Variants in LIPA observed in about 807,000 individuals in gnomAD.
The protein encoded by LIPA is lipase A, lysosomal acid type, also known as lysosomal acid lipase/cholesteryl ester hydrolase.
Under a neutral mutation model 40.6 loss-of-function variants are expected in LIPA, and 26 were observed. The observed-to-expected ratio is 0.64, with a 90% CI of 0.47 to 0.89. The LOEUF is 0.89. Ranked by LOEUF, LIPA falls within the 40% of genes least tolerant of loss-of-function variation. The pLI is 0.00. For missense variants in LIPA, 455 were observed against 479.6 expected (o/e 0.95, Z 0.48); for synonymous variants, 188 against 168.4 (o/e 1.12, Z -0.90).
At chr10:89,385,183 A>G (rs7074302) in intron 2 of LIPA, 5,190 of 157,642 alleles carry the variant, frequency 0.033, 305 homozygotes, top group African/African-American at 0.12. Flanking sequence ...TTTGTGCTCA[A>G]ATAAACTCTA....
At chr10:89,331,624 C>A (rs989757173) in intron 1 of LIPA, among the ~76,000 whole-genome samples, 5 of 152,064 alleles carry the variant, frequency 3.3e-5, no homozygotes, top group Non-Finnish European at 7.4e-5. Context: ...CTTTGGGAGG[C>A]CGAGGAGGGC....
intron 2 of LIPA, among the ~76,000 whole-genome samples, chr10:89,371,390 C>T (rs1844090665): frequency 6.6e-6 from 1 of 152,180 alleles, no homozygotes; most frequent in Non-Finnish European, 1.5e-5. Context: ...CTTTATTTGC[C>T]TTAGGGCTGG....
At chr10:89,412,813 C>T (rs765093754) in exon 2 of LIPA, 11 of 408,462 alleles carry the variant, frequency 2.7e-5, no homozygotes, top group Non-Finnish European at 4.8e-5. Flanking sequence ...ACTCCAGACA[C>T]ATCTGAACAT....
intron 2 of LIPA, among the ~76,000 whole-genome samples, chr10:89,406,951 A>C (rs886516562): frequency 3.3e-5 from 5 of 152,278 alleles, no homozygotes; most frequent in Non-Finnish European, 1.5e-5. Context: ...CGGGGGCTAA[A>C]TACTGGGCAC....
intron 3 of LIPA, among the ~76,000 whole-genome samples, chr10:89,239,265 G>C (rs1360746798): frequency 2.0e-5 from 3 of 152,198 alleles, no homozygotes; most frequent in Non-Finnish European, 4.4e-5. Flanking sequence ...TGAGAAGAGG[G>C]CCAAGTGGGC....
rs763352406 is a variant in LIPA, at chr10:89,339,501, G to A, written c.-2+3110C>T. ...ATGGCTACCTCTATCACCAGATTGG[G>A]TGCTGCTACAAGGCAAAAGTAAGAC... On this transcript the variant is annotated intron_variant, in intron 1 of 5. Coordinates refer to the LIPA transcript ENST00000282673. The A allele has an allele frequency of 2.5e-6, 4 of 1,614,158 alleles. No homozygotes were observed. The South Asian group carries it at 3.3e-5, about 13-fold the overall frequency.
chr10:89,231,503 G>T (rs777633783), intron 3 of LIPA, among the ~76,000 whole-genome samples: 159 of 151,790 alleles, frequency 1.0e-3, no homozygotes, highest in African/African-American at 3.5e-3. Flanking sequence ...GAGAGAAAAG[G>T]TCTCATTCTA....
Position 89,225,090 on chromosome 10 carries a change from A to C in LIPA, c.675+2T>G, listed in dbSNP as rs1564753490. ...GGAGAGGGATGGGAGGGGTCCAAGT[A>C]CCTTAATGAGATGATCTGGTAATCG... is the stretch of plus-strand genomic sequence containing the variant. On this transcript the variant is annotated splice_donor_variant, in intron 6 of 9. Coordinates refer to ENST00000336233, the MANE Select transcript of LIPA (RefSeq NM_000235.4). LOFTEE classifies it high-confidence loss of function. 13 of 1,613,808 alleles carry C rather than the reference A, an allele frequency of 8.1e-6. No homozygotes were observed. The highest frequency in any genetic ancestry group is 1.1e-5 in the Non-Finnish European group (13 of 1,180,016).
chr10:89,253,027 G>T (rs1843152597), upstream of LIPA, among the ~76,000 whole-genome samples: 1 of 152,168 alleles, frequency 6.6e-6, no homozygotes, highest in Admixed American at 6.5e-5. Context: ...GGCTAAAACA[G>T]AATGTACATA....
At chr10:89,255,309 A>C (rs926148374), upstream of LIPA, among the ~76,000 whole-genome samples, 4 of 152,230 alleles carry the variant, frequency 2.6e-5, no homozygotes, top group Non-Finnish European at 1.5e-5. Flanking sequence ...GGCAGCAGAC[A>C]TGAGAGGATA....
intron 1 of LIPA, among the ~76,000 whole-genome samples, chr10:89,413,776 A>C (rs1300907477): frequency 1.3e-5 from 2 of 149,338 alleles, no homozygotes; most frequent in African/African-American, 2.5e-5. Flanking sequence ...CAAAAAAAAA[A>C]AAAAAACCAA....
rs1842937264 is a variant in LIPA at position 89,239,061 on chromosome 10, T to C, written c.229+6615A>G. Among the ~76,000 whole-genome samples the C allele has an allele frequency of 1.3e-5, 2 of 152,238 alleles. 1 individual carries two copies. Among genetic ancestry groups the C allele is most frequent in the South Asian group, 4.1e-4 (2 of 4,828 alleles). On this transcript the variant is annotated intron_variant, in intron 3 of 9. Transcript: ENST00000336233. ...GTAACAGCAAGCGCATACTAAGTGTTGACAATGTGACAGGCACCATGCTAA... is the reference window on the plus strand; with the variant it reads ...GTAACAGCAAGCGCATACTAAGTGTCGACAATGTGACAGGCACCATGCTAA...
At chr10:89,345,567 TAAAG>T (rs1843913793), upstream of LIPA, among the ~76,000 whole-genome samples, 3 of 139,464 alleles carry the variant, frequency 2.2e-5, no homozygotes, top group Middle Eastern at 7.6e-3. Context: ...AATAAATAAA[TAAAG>T]GAACAATAGT....
chr10:89,321,393 T>A (rs1465501973), intron 1 of LIPA, among the ~76,000 whole-genome samples: 2 of 151,900 alleles, frequency 1.3e-5, no homozygotes, highest in Non-Finnish European at 2.9e-5. Context: ...AACAACCCCA[T>A]CAAAAAGTGG....
At chr10:89,357,599 G>A (rs894927081) in intron 2 of LIPA, among the ~76,000 whole-genome samples, 2 of 152,250 alleles carry the variant, frequency 1.3e-5, no homozygotes, top group Non-Finnish European at 2.9e-5. Flanking sequence ...AATTCTAACC[G>A]AATGAAAACA....
At chr10:89,293,722 A>T (rs1168651006) in intron 1 of LIPA, 1 of 108,668 alleles carries the variant, frequency 9.2e-6, no homozygotes, top group Non-Finnish European at 2.2e-5. Context: ...GAGATATCTG[A>T]GGTCTCTTCT....
intron 1 of LIPA, among the ~76,000 whole-genome samples, chr10:89,280,488 GT>G (rs893413923): frequency 2.0e-5 from 3 of 152,194 alleles, no homozygotes; most frequent in Non-Finnish European, 2.9e-5. Context: ...GCTTTCAGAA[GT>G]TTGCACTCAG....
At chr10:89,386,186 C>CCAAA in intron 2 of LIPA, among the ~76,000 whole-genome samples, 1 of 152,224 alleles carries the variant, frequency 6.6e-6, no homozygotes, top group South Asian at 2.1e-4. Flanking sequence ...ACCATAAGTG[C>CCAAA]ATGCCACCAT....
intron 1 of LIPA, among the ~76,000 whole-genome samples, chr10:89,248,442 A>ATT (rs1459065726): frequency 2.2e-5 from 3 of 136,412 alleles, no homozygotes; most frequent in Non-Finnish European, 3.2e-5. Flanking sequence ...TTATTATTTT[A>ATT]TATTTATTTA....
Sources: allele counts gnomAD v4.1 joint callset (sites outside exome capture counted in the v4.1 genomes callset), GRCh38; gene constraint gnomAD v4.1.1; transcripts MANE v1.5; gene names NCBI Gene and HGNC (gene_info 2026-07-23, HGNC 2026-07-21).